SLC6A20: variants seen among roughly 807,000 people sequenced by gnomAD.
SLC6A20 encodes solute carrier family 6 member 20.
A neutral mutation model predicts 64.3 loss-of-function variants in SLC6A20; 73 were observed. That is an observed-to-expected ratio of 1.14 (90% confidence interval 0.94 to 1.38). SLC6A20 has a LOEUF of 1.38. Ranked by LOEUF, SLC6A20 falls within the 40% of genes most tolerant of loss-of-function variation. The probability of loss-of-function intolerance (pLI) is 0.00; values close to 1 mark genes in which losing one functional copy is unlikely to be tolerated. For missense variants in SLC6A20, 725 were observed against 772.8 expected (o/e 0.94, Z 0.73); for synonymous variants, 347 against 329.6 (o/e 1.05, Z -0.57).
rs1178476641 is a variant in SLC6A20 at position 45,765,967 on chromosome 3, C to T, written c.1099-226G>A. ...AAAGCACGTGAGAACTTGTAGCCAG[C>T]CTGCAACACTGAGTTCCCCTCTCCT... On this transcript the variant is annotated intron_variant, in intron 7 of 10. Transcript: ENST00000358525. The surrounding 1 kb of genome is among the most constrained non-coding windows in gnomAD (Gnocchi z 4.2). 1.3e-5 allele frequency among the ~76,000 whole-genome samples: 2 copies of T among 152,178 alleles called. No homozygotes were observed. The highest frequency in any genetic ancestry group is 2.9e-5 in the Non-Finnish European group (2 of 68,030).
intron 4 of SLC6A20, 74 bp downstream of exon 4, chr3:45,775,687 G>A: frequency 6.9e-7 from 1 of 1,439,540 alleles, no homozygotes; most frequent in Non-Finnish European, 9.5e-7. Flanking sequence ...TAGGGTTGGA[G>A]ACAGAGGCAG....
At position 45,780,007 on chromosome 3, in the gene SLC6A20, A is replaced by T. The variant is rs531515127; in HGVS notation, c.354+2T>A. 9.8e-5 allele frequency: 156 copies of T among 1,598,328 alleles called. No individual in the cohort carries two copies. The highest frequency in any genetic ancestry group is 1.3e-4 in the Non-Finnish European group (147 of 1,172,204). On this transcript the variant is annotated splice_donor_variant, in intron 3 of 10. Transcript: ENST00000358525. LOFTEE classifies it high-confidence loss of function. ...TGTTCTGGCACGGGCCCCCCGGCTC[A>T]CCTGGAAGGAGTGGAAGAGGTACCA...
chr3:45,789,230 T>C (rs1438372393), intron 1 of SLC6A20, among the ~76,000 whole-genome samples: 1 of 151,882 alleles, frequency 6.6e-6, no homozygotes, highest in Non-Finnish European at 1.5e-5. Flanking sequence ...TAACTGCTAA[T>C]AGAAAAAATA....
At chr3:45,770,060 C>T in intron 7 of SLC6A20, 149 bp downstream of exon 7, 1 of 1,008,778 alleles carries the variant, frequency 9.9e-7, no homozygotes, top group South Asian at 1.7e-5. Context: ...GGTGTTAAAG[C>T]CTCTCTTCCC....
At chr3:45,775,665 C>T in intron 4 of SLC6A20, 96 bp downstream of exon 4, 1 of 1,223,356 alleles carries the variant, frequency 8.2e-7, no homozygotes, top group Non-Finnish European at 1.1e-6. Context: ...AGGGCACTCC[C>T]TTGGCATTGC....
At chr3:45,760,739 CGT>C (rs1699662093) in intron 9 of SLC6A20, among the ~76,000 whole-genome samples, 1 of 152,238 alleles carries the variant, frequency 6.6e-6, no homozygotes, top group African/African-American at 2.4e-5. Context: ...AAACTAAGTA[CGT>C]GTGTTTTTGA....
intron 4 of SLC6A20, 105 bp from the exon 5 acceptor site, chr3:45,772,720 C>T: frequency 1.1e-6 from 1 of 876,760 alleles, no homozygotes; most frequent in Non-Finnish European, 1.8e-6. Context: ...GCTGCACCGC[C>T]CAGCTGCTGA....
intron 2 of SLC6A20, 96 bp from the exon 3 acceptor site, chr3:45,780,196 G>GTGGA: frequency 8.2e-7 from 1 of 1,218,602 alleles, no homozygotes; most frequent in African/African-American, 1.5e-5. Context: ...TGTGGCGACC[G>GTGGA]CCCCGGGGTG....
In SLC6A20 at chr3:45,772,547, G is replaced by C; in HGVS notation, c.651C>G (p.Leu217=). 1 of 1,614,004 alleles carries C rather than the reference G, an allele frequency of 6.2e-7. No homozygotes were observed. The highest frequency in any genetic ancestry group is 8.5e-7 in the Non-Finnish European group (1 of 1,179,966). ...LIIYLIRGLT[L]HGATNGLMYM... ...ACATGAGGCCATTGGTGGCTCCGTGGAGCGTGAGGCCCCTGATGAGGTAGA... is the reference window on the plus strand; with the variant it reads ...ACATGAGGCCATTGGTGGCTCCGTGCAGCGTGAGGCCCCTGATGAGGTAGA... The change falls in exon 5 of 11, where the codon CTC becomes CTG. Residue 217 remains leucine, a synonymous_variant. Transcript: ENST00000358525.
At chr3:45,795,569 T>G (rs1700332038) in intron 1 of SLC6A20, among the ~76,000 whole-genome samples, 1 of 152,076 alleles carries the variant, frequency 6.6e-6, no homozygotes, top group Non-Finnish European at 1.5e-5. Context: ...GAGACTTAAA[T>G]CCCTCTTGCC....
chr3:45,772,710 G>T (rs750876587), intron 4 of SLC6A20, 95 bp from the exon 5 acceptor site: 31 of 957,238 alleles, frequency 3.2e-5, no homozygotes, highest in Non-Finnish European at 4.9e-5. Flanking sequence ...GGGTATTCAG[G>T]CTGCACCGCC....
intron 4 of SLC6A20, among the ~76,000 whole-genome samples, chr3:45,775,516 A>G (rs1341654719): frequency 6.6e-6 from 1 of 151,882 alleles, no homozygotes; most frequent in Non-Finnish European, 1.5e-5. Flanking sequence ...TTTTTTTTCT[A>G]AGAAAGTCCT....
intron 1 of SLC6A20, among the ~76,000 whole-genome samples, chr3:45,786,143 C>A (rs1389025105): frequency 6.6e-6 from 1 of 152,182 alleles, no homozygotes; most frequent in Admixed American, 6.5e-5. Context: ...CTTTTTACCT[C>A]TCAATATTTT....
chr3:45,763,462 T>A (rs1699721138), intron 8 of SLC6A20, among the ~76,000 whole-genome samples: 1 of 152,012 alleles, frequency 6.6e-6, no homozygotes, highest in African/African-American at 2.4e-5. Flanking sequence ...TCATGAGAAA[T>A]GAATCAGGGG....
At chr3:45,793,736 G>C (rs182605899) in intron 1 of SLC6A20, among the ~76,000 whole-genome samples, 1 of 152,148 alleles carries the variant, frequency 6.6e-6, no homozygotes, top group Non-Finnish European at 1.5e-5. Flanking sequence ...TTGTTTGCTG[G>C]GGGTATTTGC....
At chr3:45,787,354 C>G (rs1700186779) in intron 1 of SLC6A20, among the ~76,000 whole-genome samples, 1 of 152,182 alleles carries the variant, frequency 6.6e-6, no homozygotes, top group Admixed American at 6.5e-5. Flanking sequence ...GAGCCGCCTT[C>G]TCTGTCCACC....
intron 3 of SLC6A20, among the ~76,000 whole-genome samples, chr3:45,779,166 T>C (rs1259015026): frequency 6.6e-6 from 1 of 152,230 alleles, no homozygotes; most frequent in African/African-American, 2.4e-5. Flanking sequence ...GGCATTGGCC[T>C]GGTTAGCTCC....
chr3:45,766,131 A>T (rs772097009), intron 7 of SLC6A20, among the ~76,000 whole-genome samples: 12 of 152,176 alleles, frequency 7.9e-5, no homozygotes, highest in Non-Finnish European at 8.8e-5. Flanking sequence ...GGCAGCAGGA[A>T]GCAGAATTGT....
At chr3:45,781,664 C>T (rs903294430) in intron 2 of SLC6A20, among the ~76,000 whole-genome samples, 3 of 152,198 alleles carry the variant, frequency 2.0e-5, no homozygotes, top group Admixed American at 6.5e-5. Context: ...TGAGCTCATG[C>T]ACATATATCC....
Sources: gnomAD v4.1 joint callset for allele counts (sites outside exome capture counted in the v4.1 genomes callset) on GRCh38, gnomAD v4.1.1 for gene constraint, Gnocchi (gnomAD v3.1) non-coding constraint, MANE v1.5 for transcripts, NCBI Gene and HGNC (gene_info 2026-07-23, HGNC 2026-07-21) for gene names.